The following RBFOX1 variants were observed in gnomAD, a reference collection of about 807,000 sequenced individuals.
RBFOX1 encodes RNA binding fox-1 homolog 1, also known as RNA binding protein fox-1 homolog 1.
RBFOX1 carries 8 observed loss-of-function variants against 57.7 expected under a neutral mutation model. That is an observed-to-expected ratio of 0.14 (90% confidence interval 0.08 to 0.25). The LOEUF (loss-of-function observed/expected upper bound fraction) is 0.25. Among genes scored for constraint, RBFOX1 ranks in the 10% least tolerant of loss-of-function variants. RBFOX1 has a pLI of 1.00. For missense variants in RBFOX1, 611 were observed against 548.5 expected (o/e 1.11, Z -1.14); for synonymous variants, 326 against 222.4 (o/e 1.47, Z -4.15).
At chr16:6,623,579 T>A (rs548374531) in intron 2 of RBFOX1, among the ~76,000 whole-genome samples, 1 of 152,238 alleles carries the variant, frequency 6.6e-6, no homozygotes, top group South Asian at 2.1e-4. Flanking sequence ...TATCTCCTAA[T>A]GCTATCCCTC....
intron 5 of RBFOX1, among the ~76,000 whole-genome samples, chr16:7,555,455 G>A (rs1005044800): frequency 2.6e-5 from 4 of 152,112 alleles, no homozygotes; most frequent in African/African-American, 9.7e-5. Flanking sequence ...AGAGGAAGCG[G>A]GGAAAAGGAT....
chr16:7,215,897 G>C (rs551377681), intron 4 of RBFOX1, among the ~76,000 whole-genome samples: 1 of 152,014 alleles, frequency 6.6e-6, no homozygotes, highest in South Asian at 2.1e-4. Context: ...GCTAATTTTT[G>C]TATTTTTAGT....
chr16:7,695,405 C>G (rs895769083), intron 14 of RBFOX1, among the ~76,000 whole-genome samples: 2 of 151,646 alleles, frequency 1.3e-5, no homozygotes, highest in East Asian at 2.0e-4. Flanking sequence ...CTGAAAAAAC[C>G]TGCTTTGGGA....
intron 3 of RBFOX1, among the ~76,000 whole-genome samples, chr16:5,719,963 G>T (rs931652310): frequency 6.6e-6 from 1 of 151,620 alleles, no homozygotes; most frequent in Admixed American, 6.6e-5. Context: ...TCCCCGCCCC[G>T]CCCCCATGAT....
At chr16:5,753,970 C>T (rs983950211) in intron 3 of RBFOX1, among the ~76,000 whole-genome samples, 1 of 152,152 alleles carries the variant, frequency 6.6e-6, no homozygotes, top group Non-Finnish European at 1.5e-5. Context: ...TATCTAGCCT[C>T]TCCACGTAGC....
chr16:6,335,884 A>G (rs922909584), intron 2 of RBFOX1, among the ~76,000 whole-genome samples: 1 of 150,668 alleles, frequency 6.6e-6, no homozygotes, highest in Non-Finnish European at 1.5e-5. Flanking sequence ...GATATTTCCT[A>G]TGTCCATATG....
chr16:6,189,907 G>C (rs969210784), intron 1 of RBFOX1, among the ~76,000 whole-genome samples: 1 of 152,174 alleles, frequency 6.6e-6, no homozygotes, highest in Non-Finnish European at 1.5e-5. Context: ...GCCTGTGCTT[G>C]AGGGGTATTG....
chr16:7,109,395 T>G (rs1033608083), intron 4 of RBFOX1, among the ~76,000 whole-genome samples: 2 of 152,024 alleles, frequency 1.3e-5, no homozygotes, highest in African/African-American at 4.8e-5. Context: ...GATTATTGAG[T>G]TACCAACTGC....
intron 3 of RBFOX1, among the ~76,000 whole-genome samples, chr16:5,721,017 G>C (rs1174064011): frequency 6.6e-6 from 1 of 152,126 alleles, no homozygotes; most frequent in Non-Finnish European, 1.5e-5. Context: ...AGATCAATTT[G>C]AGAGGTATTT....
chr16:6,327,713 A>G (rs1421080785), intron 2 of RBFOX1, among the ~76,000 whole-genome samples: 1 of 152,200 alleles, frequency 6.6e-6, no homozygotes, highest in South Asian at 2.1e-4. Flanking sequence ...GAAAAGAAAA[A>G]GGAGTTTCAG....
At chr16:7,191,026 G>A (rs987465545) in intron 4 of RBFOX1, among the ~76,000 whole-genome samples, 8 of 152,070 alleles carry the variant, frequency 5.3e-5, no homozygotes, top group African/African-American at 1.7e-4. Context: ...CCCACATAGT[G>A]TCTAGATGAT....
chr16:5,768,351 T>TA (rs1418840459), intron 3 of RBFOX1, among the ~76,000 whole-genome samples: 1 of 152,194 alleles, frequency 6.6e-6, no homozygotes, highest in Non-Finnish European at 1.5e-5. Context: ...GCTGAAATGT[T>TA]AGAGTCCTAC....
intron 3 of RBFOX1, among the ~76,000 whole-genome samples, chr16:5,836,587 C>G (rs370375252): frequency 6.6e-6 from 1 of 152,196 alleles, no homozygotes; most frequent in Non-Finnish European, 1.5e-5. Flanking sequence ...AGGCACATCT[C>G]AAATCTCCAT....
chr16:6,807,868 T>A (rs1031550605), intron 3 of RBFOX1, among the ~76,000 whole-genome samples: 4 of 148,184 alleles, frequency 2.7e-5, no homozygotes, highest in Non-Finnish European at 5.9e-5. Flanking sequence ...TGTTAGTATA[T>A]ATATCTAGTT....
intron 1 of RBFOX1, among the ~76,000 whole-genome samples, chr16:6,088,465 C>G (rs1023228958): frequency 6.6e-6 from 1 of 152,072 alleles, no homozygotes; most frequent in Non-Finnish European, 1.5e-5. Context: ...ATTCACTTTC[C>G]TATCCACCAT....
In RBFOX1 at chr16:6,879,304, C is replaced by T. The variant is rs188750482; in HGVS notation, c.-15-172753C>T. On this transcript the variant is annotated intron_variant, in intron 3 of 15. Transcript: ENST00000550418. ...TGAAGGGCAGCCCAACACTATATGC[C>T]ATAAATTTTCTTTGCTATAATTAAC... 7.1e-4 allele frequency among the ~76,000 whole-genome samples: 108 copies of T among 152,258 alleles called. 2 individuals carry two copies. The Middle Eastern group carries it at 0.017, about 24-fold the overall frequency.
chr16:6,058,507 G>A (rs2095642233), intron 1 of RBFOX1, among the ~76,000 whole-genome samples: 1 of 152,110 alleles, frequency 6.6e-6, no homozygotes, highest in Admixed American at 6.6e-5. Context: ...TGACATCGAA[G>A]CATTTCCAGA....
intron 4 of RBFOX1, among the ~76,000 whole-genome samples, chr16:7,277,682 G>A (rs1024823642): frequency 2.0e-5 from 3 of 152,036 alleles, no homozygotes; most frequent in Non-Finnish European, 2.9e-5. Flanking sequence ...CTACCAGGGC[G>A]GATACCCATC....
chr16:6,643,417 TGTTA>T (rs2098508328), intron 2 of RBFOX1, among the ~76,000 whole-genome samples: 1 of 74,144 alleles, frequency 1.3e-5, no homozygotes, highest in Non-Finnish European at 2.9e-5. Flanking sequence ...TTTGTTTGTT[TGTTA>T]GTTTTGTTTT....
Sources: gnomAD v4.1 joint callset for allele counts (sites outside exome capture counted in the v4.1 genomes callset) on GRCh38, gnomAD v4.1.1 for gene constraint, MANE v1.5 for transcripts, NCBI Gene and HGNC (gene_info 2026-07-23, HGNC 2026-07-21) for gene names.